Variants in LIMS2 observed in about 807,000 individuals in gnomAD.
The protein encoded by LIMS2 is LIM and senescent cell antigen-like-containing domain protein 2.
LIMS2 carries 30 observed loss-of-function variants against 45.3 expected under a neutral mutation model. The ratio of observed to expected loss-of-function variants is 0.66; its 90% confidence interval spans 0.50 to 0.90. The LOEUF (loss-of-function observed/expected upper bound fraction) is 0.90. Among genes scored for constraint, LIMS2 ranks in the 40% least tolerant of loss-of-function variants. The pLI is 0.00. For missense variants in LIMS2, 485 were observed against 468.7 expected (o/e 1.03, Z -0.32); for synonymous variants, 173 against 188.0 (o/e 0.92, Z 0.65).
At chr2:127,666,202 G>A (rs762343733) in intron 1 of LIMS2, among the ~76,000 whole-genome samples, 7 of 152,170 alleles carry the variant, frequency 4.6e-5, no homozygotes, top group East Asian at 1.9e-4. Context: ...CAAAAACACC[G>A]AGAGTGATGT....
intron 1 of LIMS2, chr2:127,674,698 G>A: frequency 2.0e-6 from 2 of 985,470 alleles, no homozygotes; most frequent in Non-Finnish European, 2.4e-6. Flanking sequence ...GCCCGTGGTT[G>A]GTGTCTGACC....
At chr2:127,673,638 G>C (rs112979106) in intron 1 of LIMS2, 26 of 1,543,944 alleles carry the variant, frequency 1.7e-5, no homozygotes, top group African/African-American at 1.6e-4. Flanking sequence ...TGTTCTCCTC[G>C]ACATCCCTCC....
chr2:127,657,429 G>A lies in LIMS2; in HGVS notation c.145C>T (p.Pro49Ser), dbSNP rs202166665. 6.2e-7 allele frequency: 1 copy of A among 1,613,794 alleles called. No individual in the cohort carries two copies. Among genetic ancestry groups the A allele is most frequent in the Non-Finnish European group, 8.5e-7 (1 of 1,180,016 alleles). The change falls in exon 2 of 10, where the codon CCC becomes TCC. Residue 49 changes from proline to serine, a missense_variant. Pro to Ser is a moderately conservative substitution (Grantham distance 74). Coordinates refer to ENST00000355119, the MANE Select transcript of LIMS2 (RefSeq NM_001161403.3). ...HCFVCAQCFR[P>S]FPEGLFYEFE... The stretch of plus-strand genomic sequence containing the variant: ...TCATAGAAGAGCCCCTCGGGGAAGG[G>A]CCGGAAGCACTGGGCACACACGAAG...
chr2:127,667,065 A>G lies in LIMS2; in HGVS notation c.11+7949T>C, dbSNP rs1299165559. ...AAAAAACTTGTCACAAAGTAAAGCC[A>G]GAGCGACATGGCTTCACTGATGAAT... On this transcript the variant is annotated intron_variant, in intron 1 of 9. Coordinates refer to ENST00000355119, the MANE Select transcript of LIMS2 (RefSeq NM_001161403.3). The surrounding 1 kb of genome is among the most constrained non-coding windows in gnomAD (Gnocchi z 4.1). Among the ~76,000 whole-genome samples, 6 of 152,260 alleles carry G rather than the reference A, an allele frequency of 3.9e-5. No individual in the cohort carries two copies. The highest frequency in any genetic ancestry group is 3.8e-4 in the East Asian group (2 of 5,206).
chr2:127,673,501 G>C (rs1021174184), intron 1 of LIMS2, among the ~76,000 whole-genome samples: 1 of 152,190 alleles, frequency 6.6e-6, no homozygotes, highest in African/African-American at 2.4e-5. Flanking sequence ...CAGCGGTTCC[G>C]GCCGGGCTCA....
chr2:127,648,676 C>A (rs576770069), intron 4 of LIMS2, among the ~76,000 whole-genome samples: 1 of 152,198 alleles, frequency 6.6e-6, no homozygotes, highest in East Asian at 1.9e-4. Context: ...CCAAGGAGCA[C>A]TTTGGGAGGC....
At position 127,664,290 on chromosome 2, in the gene LIMS2, G is replaced by GC; in HGVS notation, c.12-6729dup. Reference sequence around the variant, plus strand: ...GGCCATTGTCCCCGCCACCCGCCCCGCCCCTGGCCACCTACCCCGTGGCTG... The same window carrying GC: ...GGCCATTGTCCCCGCCACCCGCCCCGCCCCCTGGCCACCTACCCCGTGGCTG... On this transcript the variant is annotated intron_variant, in intron 1 of 9. Transcript: ENST00000355119. This position sits in a 1 kb window ranked among gnomAD's most constrained non-coding sequence, Gnocchi z 5.5. 8.1e-7 allele frequency: 1 copy of GC among 1,234,588 alleles called. No individual in the cohort carries two copies. The highest frequency in any genetic ancestry group is 1.0e-6 in the Non-Finnish European group (1 of 989,316). The allele number at this position is 1,234,588 out of a possible 1,614,324, so 76.5% of individuals were successfully genotyped here. A position where few individuals can be genotyped will look rare whatever the true frequency, so the allele number is the denominator to read the frequency against.
Position 127,664,461 on chromosome 2 carries a change from G to T in LIMS2, c.12-6899C>A. ...AGGGGCTATGGGACCACCTCGGAGGGGAGGCGCGGCCGCCTGGGGCCAGAC... is the reference window on the plus strand; with the variant it reads ...AGGGGCTATGGGACCACCTCGGAGGTGAGGCGCGGCCGCCTGGGGCCAGAC... On this transcript the variant is annotated intron_variant, in intron 1 of 9. Transcript: ENST00000355119. This position sits in a 1 kb window ranked among gnomAD's most constrained non-coding sequence, Gnocchi z 5.5. 2 of 1,184,950 alleles carry T rather than the reference G, an allele frequency of 1.7e-6. No individual in the cohort carries two copies. The highest frequency in any genetic ancestry group is 8.6e-5 in the South Asian group (2 of 23,296). 73.4% of individuals were successfully genotyped at this position (1,184,950 alleles called of 1,614,324 possible).
At chr2:127,655,058 G>A in intron 2 of LIMS2, 162 bp from the exon 3 acceptor site, 1 of 713,870 alleles carries the variant, frequency 1.4e-6, no homozygotes, top group Non-Finnish European at 2.5e-6. Flanking sequence ...GGCCAGAGAG[G>A]ACACTGGCCC....
rs1001762041 is a variant in LIMS2 at position 127,672,940 on chromosome 2, C to G, written c.11+2074G>C. ...CCAGGATCCAGGCACGAGGAGCTGCCCGGGATCACATGGGAACAGTGGACG... is the reference window on the plus strand; with the variant it reads ...CCAGGATCCAGGCACGAGGAGCTGCGCGGGATCACATGGGAACAGTGGACG... On this transcript the variant is annotated intron_variant, in intron 1 of 9. Transcript: ENST00000355119. The surrounding 1 kb of genome is among the most constrained non-coding windows in gnomAD (Gnocchi z 4.9). Among the ~76,000 whole-genome samples the G allele has an allele frequency of 1.2e-4, 18 of 152,350 alleles. No homozygotes were observed. The highest frequency in any genetic ancestry group is 4.3e-4 in the African/African-American group (18 of 41,588).
intron 1 of LIMS2, among the ~76,000 whole-genome samples, chr2:127,661,113 C>CT (rs1684621263): frequency 6.6e-6 from 1 of 152,252 alleles, no homozygotes; most frequent in Non-Finnish European, 1.5e-5. Flanking sequence ...CGCTTCCTGA[C>CT]TCCTGCAGGG....
rs1430677261 is a variant in LIMS2, at chr2:127,664,630, G to A, written c.12-7068C>T. On this transcript the variant is annotated intron_variant, in intron 1 of 9. Transcript: ENST00000355119. The surrounding 1 kb of genome is among the most constrained non-coding windows in gnomAD (Gnocchi z 5.5). ...CGCGGGGGCAGCTCCTGAAAGCTGA[G>A]GCTGGCGGGGGTTGGGTCCCGCTGG... The A allele has an allele frequency of 5.4e-6, 6 of 1,100,962 alleles. No homozygotes were observed. Among genetic ancestry groups the A allele is most frequent in the Non-Finnish European group, 4.4e-6 (4 of 905,302 alleles). The allele number at this position is 1,100,962 out of a possible 1,614,324, so 68.2% of individuals were successfully genotyped here. A position where few individuals can be genotyped will look rare whatever the true frequency, so the allele number is the denominator to read the frequency against.
chr2:127,678,221 G>C (rs1278659000), upstream of LIMS2, among the ~76,000 whole-genome samples: 1 of 152,152 alleles, frequency 6.6e-6, no homozygotes. This position sits in a 1 kb window ranked among gnomAD's most constrained non-coding sequence, Gnocchi z 5.3. Flanking sequence ...GGAGGCTGAG[G>C]AGGGAGGATC....
Position 127,638,896 on chromosome 2 carries a change from T to C in LIMS2, c.*385A>G, listed in dbSNP as rs1217493142. 4 of 202,368 alleles carry C rather than the reference T, an allele frequency of 2.0e-5. No individual in the cohort carries two copies. The East Asian group carries it at 5.7e-4, about 29-fold the overall frequency. The allele number at this position is 202,368 out of a possible 1,614,324, so 12.5% of individuals were successfully genotyped here. A position where few individuals can be genotyped will look rare whatever the true frequency, so the allele number is the denominator to read the frequency against. ...CCACATGCGCTTAGTGGGGCCGCTC[T>C]GGGGCAGGGGCTCTCACAGGACAGC... On this transcript the variant is annotated 3_prime_UTR_variant, in exon 10 of 10. Transcript: ENST00000355119.
intron 4 of LIMS2, chr2:127,648,377 T>A: frequency 5.5e-6 from 1 of 181,010 alleles, no homozygotes; most frequent in Non-Finnish European, 1.1e-5. Flanking sequence ...GGCCAGGTGC[T>A]CGGGCCAGCC....
rs1485244535 is a variant in LIMS2 at position 127,653,594 on chromosome 2, G to A, written c.359+830C>T. ...GAGACAGGGAGAAAGGTGACTCAGA[G>A]GAGGGGAGTGAGCAGGTGCAGCTGT... On this transcript the variant is annotated intron_variant, in intron 4 of 9. Coordinates refer to ENST00000355119, the MANE Select transcript of LIMS2 (RefSeq NM_001161403.3). The surrounding 1 kb of genome is among the most constrained non-coding windows in gnomAD (Gnocchi z 5.3). Among the ~76,000 whole-genome samples, 1 of 152,098 alleles carries A rather than the reference G, an allele frequency of 6.6e-6. No individual in the cohort carries two copies. Among genetic ancestry groups the A allele is most frequent in the African/African-American group, 2.4e-5 (1 of 41,432 alleles).
chr2:127,654,594 C>A (rs1167520463), intron 3 of LIMS2, 50 bp from the exon 4 acceptor site: 1 of 1,612,438 alleles, frequency 6.2e-7, no homozygotes, highest in East Asian at 2.2e-5. Context: ...CCTGTCCCCT[C>A]TTCGGACCCT....
chr2:127,678,960 A>G (rs1422828344), upstream of LIMS2, among the ~76,000 whole-genome samples: 1 of 152,106 alleles, frequency 6.6e-6, no homozygotes, highest in Non-Finnish European at 1.5e-5. This position sits in a 1 kb window ranked among gnomAD's most constrained non-coding sequence, Gnocchi z 5.3. Context: ...GGGTGTCTGT[A>G]CCAGTCAGGA....
In LIMS2 at chr2:127,672,291, G is replaced by T. The variant is rs1312195456; in HGVS notation, c.11+2723C>A. Among the ~76,000 whole-genome samples, 2 of 152,180 alleles carry T rather than the reference G, an allele frequency of 1.3e-5. No individual in the cohort carries two copies. The highest frequency in any genetic ancestry group is 6.5e-5 in the Admixed American group (1 of 15,282). On this transcript the variant is annotated intron_variant, in intron 1 of 9. Coordinates refer to ENST00000355119, the MANE Select transcript of LIMS2 (RefSeq NM_001161403.3). The surrounding 1 kb of genome is among the most constrained non-coding windows in gnomAD (Gnocchi z 4.9). ...TGTGATAGTCAAAGATCTTGTGGTTGTAAGTTGCAAAGTCCCTGAGTTGCT... is the reference window on the plus strand; with the variant it reads ...TGTGATAGTCAAAGATCTTGTGGTTTTAAGTTGCAAAGTCCCTGAGTTGCT...
Sources: gnomAD v4.1 joint callset for allele counts (sites outside exome capture counted in the v4.1 genomes callset) on GRCh38, gnomAD v4.1.1 for gene constraint, Gnocchi (gnomAD v3.1) non-coding constraint, MANE v1.5 for transcripts, NCBI Gene and HGNC (gene_info 2026-07-23, HGNC 2026-07-21) for gene names.